The following EFNA5 variants were observed in gnomAD, a reference collection of about 807,000 sequenced individuals.
EFNA5 encodes ephrin-A5.
In EFNA5, 5 loss-of-function variants were observed where a neutral mutation model predicts 22.9. That is an observed-to-expected ratio of 0.22 (90% CI 0.11 to 0.46). The LOEUF (loss-of-function observed/expected upper bound fraction) is 0.46. Among genes scored for constraint, EFNA5 ranks in the 20% least tolerant of loss-of-function variants. The pLI is 0.99. For synonymous variants in EFNA5, 113 were observed against 112.2 expected (o/e 1.01, Z -0.04); for missense variants, 237 against 293.3 (o/e 0.81, Z 1.40).
intron 1 of EFNA5, among the ~76,000 whole-genome samples, chr5:107,448,713 CCAGCTA>C (rs1325383844): frequency 6.6e-6 from 1 of 151,594 alleles, no homozygotes; most frequent in East Asian, 1.9e-4. Flanking sequence ...GCCTGTAATC[CCAGCTA>C]CTTGAGAGGC....
At chr5:107,479,163 C>A (rs1232033538) in intron 1 of EFNA5, among the ~76,000 whole-genome samples, 2 of 152,138 alleles carry the variant, frequency 1.3e-5, no homozygotes, top group African/African-American at 4.8e-5. Flanking sequence ...CAGCACTGTT[C>A]ATTTCTTATG....
intron 1 of EFNA5, among the ~76,000 whole-genome samples, chr5:107,458,297 C>G (rs947769306): frequency 6.6e-6 from 1 of 152,088 alleles, no homozygotes; most frequent in Non-Finnish European, 1.5e-5. Flanking sequence ...TCACCTTGGA[C>G]TGTGGGGTAC....
At chr5:107,516,174 T>TTTTGTGTGTG (rs375713870) in intron 1 of EFNA5, among the ~76,000 whole-genome samples, 3 of 139,512 alleles carry the variant, frequency 2.2e-5, no homozygotes, top group Non-Finnish European at 4.6e-5. Flanking sequence ...CTGGCTAGTT[T>TTTTGTGTGTG]TGTGTGTGTG....
At chr5:107,453,530 A>C (rs1326740177) in intron 1 of EFNA5, among the ~76,000 whole-genome samples, 1 of 152,182 alleles carries the variant, frequency 6.6e-6, no homozygotes, top group African/African-American at 2.4e-5. Flanking sequence ...TGAGTTCTAC[A>C]AGTGCATAAG....
At chr5:107,417,797 T>C (rs868451142) in intron 2 of EFNA5, among the ~76,000 whole-genome samples, 9 of 152,296 alleles carry the variant, frequency 5.9e-5, no homozygotes, top group African/African-American at 2.2e-4. Flanking sequence ...TGGTGATTTA[T>C]ATTTCCCCAT....
intron 1 of EFNA5, among the ~76,000 whole-genome samples, chr5:107,510,367 T>C (rs779158921): frequency 6.6e-6 from 1 of 152,152 alleles, no homozygotes; most frequent in Non-Finnish European, 1.5e-5. Flanking sequence ...TCATAAATAA[T>C]CCACTCTCTG....
chr5:107,547,948 G>A lies in EFNA5; in HGVS notation c.126-120439C>T, dbSNP rs192489838. ...TAAAATAGCATTCAATTTCAGAGAAGGTGGTTTATTCTTTATGTAGTAAGC... is the reference window on the plus strand; with the variant it reads ...TAAAATAGCATTCAATTTCAGAGAAAGTGGTTTATTCTTTATGTAGTAAGC... On this transcript the variant is annotated intron_variant, in intron 1 of 4. Transcript: ENST00000333274. 2.8e-3 allele frequency among the ~76,000 whole-genome samples: 421 copies of A among 152,258 alleles called. 3 individuals carry two copies. Among genetic ancestry groups the A allele is most frequent in the South Asian group, 9.1e-3 (44 of 4,812 alleles).
chr5:107,630,653 T>G (rs1417771351), intron 1 of EFNA5, among the ~76,000 whole-genome samples: 1 of 152,004 alleles, frequency 6.6e-6, no homozygotes, highest in Non-Finnish European at 1.5e-5. Flanking sequence ...CACTGGACAC[T>G]GAAGCTACAC....
intron 1 of EFNA5, among the ~76,000 whole-genome samples, chr5:107,591,932 TAA>T (rs1561442971): frequency 1.2e-4 from 2 of 17,178 alleles, no homozygotes; most frequent in Non-Finnish European, 9.8e-5. Context: ...ATATAATATA[TAA>T]TATATATATT....
chr5:107,546,681 C>CAT (rs1748165058), intron 1 of EFNA5, among the ~76,000 whole-genome samples: 8 of 123,454 alleles, frequency 6.5e-5, no homozygotes, highest in Admixed American at 8.5e-5. Flanking sequence ...CACACACACA[C>CAT]ACACACTCTC....
intron 1 of EFNA5, among the ~76,000 whole-genome samples, chr5:107,545,759 T>C (rs1309526302): frequency 1.3e-5 from 2 of 152,128 alleles, no homozygotes; most frequent in African/African-American, 2.4e-5. Flanking sequence ...CTCTGATGGC[T>C]CTGTAATCAA....
At chr5:107,634,172 T>C (rs990802772) in intron 1 of EFNA5, among the ~76,000 whole-genome samples, 1 of 152,356 alleles carries the variant, frequency 6.6e-6, no homozygotes, top group East Asian at 1.9e-4. Flanking sequence ...ATTTCTCAAC[T>C]GTGATGCAGA....
chr5:107,463,760 C>A (rs3906411), intron 1 of EFNA5, among the ~76,000 whole-genome samples: 18,781 of 152,142 alleles, frequency 0.12, 1,389 homozygotes, highest in African/African-American at 0.2. Flanking sequence ...AGTGAGTGAG[C>A]TTTTCTGTAT....
chr5:107,510,156 C>T (rs955933264), intron 1 of EFNA5, among the ~76,000 whole-genome samples: 2 of 152,166 alleles, frequency 1.3e-5, no homozygotes, highest in African/African-American at 4.8e-5. Flanking sequence ...TCCACGAAAA[C>T]CAAGATGGCC....
At chr5:107,403,830 A>G (rs1748147775) in intron 2 of EFNA5, among the ~76,000 whole-genome samples, 1 of 152,314 alleles carries the variant, frequency 6.6e-6, no homozygotes, top group African/African-American at 2.4e-5. Context: ...CCCTTGCAGT[A>G]GTATTTAGCA....
chr5:107,590,193 A>T (rs926146918), intron 1 of EFNA5, among the ~76,000 whole-genome samples: 1 of 152,110 alleles, frequency 6.6e-6, no homozygotes, highest in African/African-American at 2.4e-5. Flanking sequence ...GGCTTTCAAG[A>T]CCTTTAGAAA....
At chr5:107,417,131 T>A (rs1442105637) in intron 2 of EFNA5, among the ~76,000 whole-genome samples, 1 of 152,200 alleles carries the variant, frequency 6.6e-6, no homozygotes, top group South Asian at 2.1e-4. Context: ...TTATTTGTTT[T>A]TATGGGTTTA....
chr5:107,418,651 CTGAG>C (rs1748571150), intron 2 of EFNA5, among the ~76,000 whole-genome samples: 1 of 152,206 alleles, frequency 6.6e-6, no homozygotes, highest in African/African-American at 2.4e-5. Flanking sequence ...AACTTCTCGT[CTGAG>C]TGTCACAGCC....
chr5:107,491,202 C>G (rs1253550541), intron 1 of EFNA5, among the ~76,000 whole-genome samples: 3 of 152,226 alleles, frequency 2.0e-5, no homozygotes, highest in Non-Finnish European at 4.4e-5. Context: ...AACGACAGGA[C>G]AAGTCCCCAC....
Sources: allele counts gnomAD v4.1 joint callset (sites outside exome capture counted in the v4.1 genomes callset), GRCh38; gene constraint gnomAD v4.1.1; transcripts MANE v1.5; gene names NCBI Gene and HGNC (gene_info 2026-07-23, HGNC 2026-07-21).